NOX4: variants seen among roughly 807,000 people sequenced by gnomAD.
The protein encoded by NOX4 is NADPH oxidase 4.
In NOX4, 69 loss-of-function variants were observed where a neutral mutation model predicts 87.6. The observed-to-expected ratio is 0.79, with a 90% CI of 0.65 to 0.96. The LOEUF (loss-of-function observed/expected upper bound fraction) is 0.96, where lower values mean the gene tolerates loss of function less well. Among genes scored for constraint, NOX4 ranks in the 40% least tolerant of loss-of-function variants. The probability of loss-of-function intolerance (pLI) is 0.00; values close to 1 mark genes in which losing one functional copy is unlikely to be tolerated. For synonymous variants in NOX4, 275 were observed against 238.2 expected, an observed-to-expected ratio of 1.15 and a Z score of -1.42; for missense variants, 680 against 681.5, an observed-to-expected ratio of 1.00 and a Z score of 0.02.
intron 5 of NOX4, among the ~76,000 whole-genome samples, chr11:89,442,645 A>G (rs975077828): frequency 1.3e-5 from 2 of 152,160 alleles, no homozygotes; most frequent in Admixed American, 6.6e-5. Context: ...AAAAAAACAT[A>G]ATAAACTGTG....
chr11:89,536,360 A>T, the NOX4 span, among the ~76,000 whole-genome samples: 1 of 151,482 alleles, frequency 6.6e-6, no homozygotes, highest in African/African-American at 2.4e-5. Context: ...GTTAGCCAGG[A>T]TGGTCTCGAT....
the NOX4 span, among the ~76,000 whole-genome samples, chr11:89,578,855 G>T: frequency 7.4e-4 from 112 of 152,268 alleles, 1 homozygote; most frequent in African/African-American, 2.6e-3. Context: ...TTTCACATGA[G>T]TATCTTTAGG....
At chr11:89,447,004 T>C (rs1944739493) in intron 4 of NOX4, among the ~76,000 whole-genome samples, 1 of 152,096 alleles carries the variant, frequency 6.6e-6, no homozygotes, top group South Asian at 2.1e-4. Flanking sequence ...TCTCTATATC[T>C]TCCTCTCAAT....
intron 13 of NOX4, among the ~76,000 whole-genome samples, chr11:89,350,443 C>T (rs1946408373): frequency 6.6e-6 from 1 of 152,076 alleles, no homozygotes; most frequent in Non-Finnish European, 1.5e-5. Flanking sequence ...ACTATGTTGA[C>T]TAAATAGAAA....
chr11:89,514,365 T>G, the NOX4 span, among the ~76,000 whole-genome samples: 1 of 151,722 alleles, frequency 6.6e-6, no homozygotes, highest in Non-Finnish European at 1.5e-5. Context: ...TTCTAAAAAT[T>G]CTGAATTTAT....
chr11:89,471,077 C>T (rs1183312297), intron 2 of NOX4, among the ~76,000 whole-genome samples: 1 of 152,180 alleles, frequency 6.6e-6, no homozygotes, highest in Non-Finnish European at 1.5e-5. Context: ...CCTATCTCCA[C>T]CCTCACTTAT....
intron 7 of NOX4, among the ~76,000 whole-genome samples, chr11:89,424,618 A>G (rs1276219031): frequency 6.6e-6 from 1 of 151,886 alleles, no homozygotes; most frequent in African/African-American, 2.4e-5. Context: ...TTTAATTTTT[A>G]GCTTATTTAC....
At chr11:89,501,761 G>A (rs1025102887), upstream of NOX4, among the ~76,000 whole-genome samples, 3 of 151,968 alleles carry the variant, frequency 2.0e-5, no homozygotes, top group Non-Finnish European at 2.9e-5. Context: ...GGCAATGGAC[G>A]AAGAAAATAC....
At chr11:89,374,209 T>C (rs938077168) in intron 11 of NOX4, among the ~76,000 whole-genome samples, 1 of 152,162 alleles carries the variant, frequency 6.6e-6, no homozygotes, top group African/African-American at 2.4e-5. Context: ...ATTCCAAAAT[T>C]TGAATAATGG....
At chr11:89,424,723 G>A (rs552160974) in intron 7 of NOX4, among the ~76,000 whole-genome samples, 9 of 151,840 alleles carry the variant, frequency 5.9e-5, no homozygotes, top group East Asian at 3.9e-4. Context: ...ATCTAATAAC[G>A]GGATACATTA....
At position 89,432,189 on chromosome 11, in the gene NOX4, C is replaced by T. The variant is rs560440214; in HGVS notation, c.548+595G>A. Among the ~76,000 whole-genome samples, 8 of 151,540 alleles carry T rather than the reference C, an allele frequency of 5.3e-5. No homozygotes were observed. In the East Asian group the frequency reaches 5.9e-4, roughly 11 times the overall value. Reference sequence around the variant, plus strand: ...ACACAGGAAGGGGAACATCACACACCGGGGCCTGTTGTGGGGTTGGGAGAG... The same window carrying T: ...ACACAGGAAGGGGAACATCACACACTGGGGCCTGTTGTGGGGTTGGGAGAG... On this transcript the variant is annotated intron_variant, in intron 7 of 17. Coordinates refer to ENST00000263317, the MANE Select transcript of NOX4 (RefSeq NM_016931.5).
At chr11:89,424,508 GC>G (rs1395345999) in intron 7 of NOX4, among the ~76,000 whole-genome samples, 2 of 150,610 alleles carry the variant, frequency 1.3e-5, no homozygotes, top group Non-Finnish European at 3.0e-5. Context: ...AAATACTTTT[GC>G]TTTTTTCCTG....
intron 17 of NOX4, among the ~76,000 whole-genome samples, chr11:89,333,397 CAT>C (rs1216445797): frequency 6.6e-6 from 1 of 151,722 alleles, no homozygotes; most frequent in Non-Finnish European, 1.5e-5. Flanking sequence ...CACATACAAA[CAT>C]ATGTTTACAT....
At chr11:89,508,501 G>T in the NOX4 span, among the ~76,000 whole-genome samples, 2 of 152,044 alleles carry the variant, frequency 1.3e-5, no homozygotes, top group East Asian at 3.9e-4. Context: ...ACTATTTATG[G>T]TGTTTTGAAC....
At chr11:89,512,436 C>T in the NOX4 span, among the ~76,000 whole-genome samples, 1 of 152,042 alleles carries the variant, frequency 6.6e-6, no homozygotes, top group African/African-American at 2.4e-5. Flanking sequence ...TCCCCTCCCT[C>T]ACTCTAGACC....
chr11:89,585,685 T>C, the NOX4 span, among the ~76,000 whole-genome samples: 1 of 152,114 alleles, frequency 6.6e-6, no homozygotes, highest in Non-Finnish European at 1.5e-5. Flanking sequence ...CAGTAGAGAG[T>C]GTCCATCCTC....
chr11:89,538,986 C>T, the NOX4 span, among the ~76,000 whole-genome samples: 24 of 152,104 alleles, frequency 1.6e-4, no homozygotes, highest in African/African-American at 5.5e-4. Context: ...GGCCAGAGAG[C>T]TTGCACTCTC....
At chr11:89,529,223 C>T in the NOX4 span, among the ~76,000 whole-genome samples, 5 of 152,128 alleles carry the variant, frequency 3.3e-5, no homozygotes, top group Non-Finnish European at 5.9e-5. Flanking sequence ...TCAAGACAAC[C>T]TCAGTAAACA....
At chr11:89,493,719 G>T (rs373124241), upstream of NOX4, among the ~76,000 whole-genome samples, 27 of 132,174 alleles carry the variant, frequency 2.0e-4, no homozygotes, top group South Asian at 1.4e-3. Flanking sequence ...AAGCCAGATT[G>T]TTTTATTATT....
Sources: allele counts gnomAD v4.1 joint callset (sites outside exome capture counted in the v4.1 genomes callset), GRCh38; gene constraint gnomAD v4.1.1; transcripts MANE v1.5; gene names NCBI Gene and HGNC (gene_info 2026-07-23, HGNC 2026-07-21).